Variants in SLC4A4 observed in about 807,000 individuals in gnomAD.
The protein encoded by SLC4A4 is solute carrier family 4 member 4.
SLC4A4 carries 27 observed loss-of-function variants against 111.5 expected under a neutral mutation model. The ratio of observed to expected loss-of-function variants is 0.24; its 90% confidence interval spans 0.18 to 0.33. SLC4A4 has a LOEUF of 0.33. Ranked by LOEUF, SLC4A4 falls within the 10% of genes least tolerant of loss-of-function variation. The pLI is 1.00. For missense variants in SLC4A4, 909 were observed against 1,315.5 expected (o/e 0.69, Z 4.78); for synonymous variants, 443 against 463.4 (o/e 0.96, Z 0.57).
intron 2 of SLC4A4, among the ~76,000 whole-genome samples, chr4:71,177,007 G>C (rs1249242955): frequency 6.6e-6 from 1 of 152,214 alleles, no homozygotes; most frequent in African/African-American, 2.4e-5. Flanking sequence ...AGCCAGAAGA[G>C]AGTGGGGGCC....
chr4:71,448,319 CAAAAAAAAA>C (rs5859260), intron 9 of SLC4A4, among the ~76,000 whole-genome samples: 9 of 89,634 alleles, frequency 1.0e-4, no homozygotes, highest in Non-Finnish European at 1.9e-4. Flanking sequence ...GATTCCATCT[CAAAAAAAAA>C]AAAAAAAAAA....
chr4:71,072,223 C>T (rs550165806), intron 1 of SLC4A4, among the ~76,000 whole-genome samples: 4 of 151,988 alleles, frequency 2.6e-5, no homozygotes, highest in East Asian at 3.8e-4. Context: ...TCTGTTTTTA[C>T]GTTTAAAACT....
intron 2 of SLC4A4, among the ~76,000 whole-genome samples, chr4:71,172,419 C>A (rs1333882017): frequency 6.6e-6 from 1 of 152,042 alleles, no homozygotes; most frequent in Non-Finnish European, 1.5e-5. Context: ...CCATGCCCAG[C>A]AGATTTTTGT....
intron 1 of SLC4A4, among the ~76,000 whole-genome samples, chr4:71,209,598 A>T (rs1398783954): frequency 1.3e-5 from 2 of 152,226 alleles, no homozygotes; most frequent in Non-Finnish European, 2.9e-5. Context: ...TCAGAAAATT[A>T]TGAGCATTTC....
intron 16 of SLC4A4, among the ~76,000 whole-genome samples, chr4:71,528,106 T>C (rs1460037738): frequency 6.6e-6 from 1 of 152,154 alleles, no homozygotes; most frequent in East Asian, 1.9e-4. Flanking sequence ...TGGTAACTGG[T>C]ATATTACAGA....
Position 71,354,620 on chromosome 4 carries a change from G to T in SLC4A4, c.551-2388G>T, listed in dbSNP as rs554236167. On this transcript the variant is annotated intron_variant, in intron 5 of 25. Coordinates refer to ENST00000264485, the MANE Select transcript of SLC4A4 (RefSeq NM_001098484.3). ...TCTTTTAGGAATGTTTGTGATCTTT[G>T]TCCATTCTTCTGTCACATGGCCATC... Among the ~76,000 whole-genome samples, 10 of 152,066 alleles carry T rather than the reference G, an allele frequency of 6.6e-5. 1 individual carries two copies. Among genetic ancestry groups the T allele is most frequent in the African/African-American group, 2.4e-4 (10 of 41,458 alleles).
chr4:71,343,559 A>C (rs1729060025), intron 4 of SLC4A4, among the ~76,000 whole-genome samples: 1 of 152,126 alleles, frequency 6.6e-6, no homozygotes, highest in African/African-American at 2.4e-5. Flanking sequence ...GAAACATTGG[A>C]GTCTTCCTTG....
intron 1 of SLC4A4, among the ~76,000 whole-genome samples, chr4:71,088,547 T>A (rs998982162): frequency 6.6e-6 from 1 of 152,070 alleles, no homozygotes; most frequent in Non-Finnish European, 1.5e-5. Context: ...TGGTACCAGT[T>A]GTTCCTTTCC....
At chr4:71,341,483 G>A (rs1311256906) in intron 4 of SLC4A4, among the ~76,000 whole-genome samples, 1 of 152,098 alleles carries the variant, frequency 6.6e-6, no homozygotes, top group Non-Finnish European at 1.5e-5. Flanking sequence ...ATCAATTAGA[G>A]CAGATGAGCT....
intron 7 of SLC4A4, chr4:71,437,199 C>T (rs890425819): frequency 3.5e-5 from 14 of 400,042 alleles, no homozygotes; most frequent in African/African-American, 2.7e-4. Flanking sequence ...TACTTGAGTC[C>T]CTATGCTGTC....
chr4:71,553,068 A>AT (rs1363054747), intron 20 of SLC4A4, among the ~76,000 whole-genome samples: 1 of 151,882 alleles, frequency 6.6e-6, no homozygotes, highest in African/African-American at 2.4e-5. Flanking sequence ...ATATTGGAAG[A>AT]TTTTTATTGA....
At chr4:71,170,009 C>G (rs1744893259) in intron 2 of SLC4A4, among the ~76,000 whole-genome samples, 1 of 152,198 alleles carries the variant, frequency 6.6e-6, no homozygotes, top group Non-Finnish European at 1.5e-5. Context: ...GTTCCTCAAC[C>G]CTCAAGTGCC....
At chr4:71,554,568 A>G (rs535173769) in intron 20 of SLC4A4, among the ~76,000 whole-genome samples, 3 of 152,010 alleles carry the variant, frequency 2.0e-5, no homozygotes, top group South Asian at 2.1e-4. Flanking sequence ...CAAGTGCTCC[A>G]AGGTCCTTTC....
intron 3 of SLC4A4, among the ~76,000 whole-genome samples, chr4:71,314,246 G>T (rs1726471298): frequency 6.6e-6 from 1 of 152,180 alleles, no homozygotes; most frequent in African/African-American, 2.4e-5. Context: ...AGTTAGAATG[G>T]TGATCACTAA....
chr4:71,563,918 G>C (rs1295762254), intron 24 of SLC4A4, 29 bp downstream of exon 24: 4 of 1,359,732 alleles, frequency 2.9e-6, no homozygotes, highest in Non-Finnish European at 4.2e-6. Context: ...TTGCATGCTT[G>C]CTTGAATATG....
intron 20 of SLC4A4, among the ~76,000 whole-genome samples, chr4:71,548,203 G>C (rs986658815): frequency 2.0e-5 from 3 of 151,682 alleles, no homozygotes; most frequent in Non-Finnish European, 4.4e-5. Flanking sequence ...TTATTACTTT[G>C]TTTCTATTTT....
At chr4:71,536,194 C>G (rs1390061576) in intron 18 of SLC4A4, among the ~76,000 whole-genome samples, 2 of 151,424 alleles carry the variant, frequency 1.3e-5, no homozygotes, top group Non-Finnish European at 2.9e-5. Flanking sequence ...CTGCAACTGG[C>G]ACAGCCTTAC....
chr4:71,271,979 C>T (rs781629077), intron 3 of SLC4A4, among the ~76,000 whole-genome samples: 6 of 152,182 alleles, frequency 3.9e-5, no homozygotes, highest in African/African-American at 9.7e-5. Context: ...TTCAAGGTCA[C>T]GTAGCTAGTA....
At chr4:71,401,038 C>A (rs1303878299) in intron 7 of SLC4A4, among the ~76,000 whole-genome samples, 1 of 152,152 alleles carries the variant, frequency 6.6e-6, no homozygotes, top group Non-Finnish European at 1.5e-5. Context: ...ACTGATTATT[C>A]TGCCTGGATA....
Sources: gnomAD v4.1 joint callset for allele counts (sites outside exome capture counted in the v4.1 genomes callset) on GRCh38, gnomAD v4.1.1 for gene constraint, MANE v1.5 for transcripts, NCBI Gene and HGNC (gene_info 2026-07-23, HGNC 2026-07-21) for gene names.